The following ATP6V0A4 variants were observed in gnomAD, a reference collection of about 807,000 sequenced individuals.
ATP6V0A4 encodes the protein ATPase H+ transporting V0 subunit a4.
In ATP6V0A4, 86 loss-of-function variants were observed where a neutral mutation model predicts 107.3. The observed-to-expected ratio is 0.80, with a 90% CI of 0.67 to 0.96. The LOEUF (loss-of-function observed/expected upper bound fraction) is 0.96, where lower values mean the gene tolerates loss of function less well. Ranked by LOEUF, ATP6V0A4 falls within the 40% of genes least tolerant of loss-of-function variation. ATP6V0A4 has a pLI of 0.00. For synonymous variants in ATP6V0A4, 353 were observed against 381.4 expected (o/e 0.93, Z 0.87); for missense variants, 908 against 1,045.6 (o/e 0.87, Z 1.81).
chr7:138,762,528 C>T, intron 6 of ATP6V0A4, 94 bp from the exon 7 acceptor site: 1 of 1,559,072 alleles, frequency 6.4e-7, no homozygotes, highest in Non-Finnish European at 8.6e-7. Flanking sequence ...TTTAGTGAAG[C>T]TTTAATTTTC....
chr7:138,758,089 C>T (rs145988329), intron 8 of ATP6V0A4, among the ~76,000 whole-genome samples: 2 of 152,280 alleles, frequency 1.3e-5, no homozygotes, highest in East Asian at 3.9e-4. Flanking sequence ...TCGGCGTCCA[C>T]GCTCATCTTT....
At chr7:138,709,887 T>C in intron 20 of ATP6V0A4, 92 bp from the exon 21 acceptor site, 2 of 1,346,376 alleles carry the variant, frequency 1.5e-6, no homozygotes, top group Middle Eastern at 2.7e-4. Flanking sequence ...AATATATATA[T>C]ATTTTAAATA....
At chr7:138,718,635 C>T (rs112152970) in intron 19 of ATP6V0A4, among the ~76,000 whole-genome samples, 19,889 of 75,816 alleles carry the variant, frequency 0.26, 4,294 homozygotes, top group Admixed American at 0.47. Flanking sequence ...GGTGCCGCCA[C>T]GGATGTCTGC....
chr7:138,751,283 T>C (rs1264136989), intron 11 of ATP6V0A4, among the ~76,000 whole-genome samples: 1 of 152,216 alleles, frequency 6.6e-6, no homozygotes, highest in African/African-American at 2.4e-5. Context: ...TGCTTCACTC[T>C]GCTCCCAAAC....
At chr7:138,716,203 A>C (rs780035523) in intron 19 of ATP6V0A4, among the ~76,000 whole-genome samples, 54 of 152,218 alleles carry the variant, frequency 3.5e-4, no homozygotes, top group Non-Finnish European at 4.4e-4. Context: ...CCTGAGGAGC[A>C]AAAGGATCCC....
Position 138,747,558 on chromosome 7 carries a change from T to C in ATP6V0A4, c.1187A>G (p.Tyr396Cys). 1 of 1,614,046 alleles carries C rather than the reference T, an allele frequency of 6.2e-7. No individual in the cohort carries two copies. Among genetic ancestry groups the C allele is most frequent in the Non-Finnish European group, 8.5e-7 (1 of 1,180,014 alleles). ...CAGGAAGGGGAAAGTGATGATGGTG[T>C]AGGGGGCTGCGGAGGGGAGACACAC... ...GSYREINPAP[Y>C]TIITFPFLFA... is the part of the protein sequence containing the mutation. The change falls in exon 13 of 22, where the codon TAC becomes TGC. Residue 396 changes from tyrosine to cysteine, a missense_variant. Transcript: ENST00000310018.
intron 5 of ATP6V0A4, among the ~76,000 whole-genome samples, chr7:138,765,263 C>T (rs1318091632): frequency 6.6e-6 from 1 of 152,150 alleles, no homozygotes; most frequent in Non-Finnish European, 1.5e-5. Context: ...TCCATTACCT[C>T]CCGTCTCAGA....
chr7:138,769,366 G>A (rs1009390142), intron 3 of ATP6V0A4, 115 bp from the exon 4 acceptor site: 1 of 1,462,718 alleles, frequency 6.8e-7, no homozygotes, highest in Non-Finnish European at 9.1e-7. Context: ...CCAGACTGGA[G>A]GGCAATGGCG....
chr7:138,788,913 C>T (rs953643079), intron 1 of ATP6V0A4, among the ~76,000 whole-genome samples: 7 of 152,270 alleles, frequency 4.6e-5, no homozygotes, highest in South Asian at 4.1e-4. Context: ...GTTCAGTAAA[C>T]CTCTTTTCTT....
At chr7:138,722,926 C>A (rs1448413807) in intron 18 of ATP6V0A4, among the ~76,000 whole-genome samples, 1 of 144,656 alleles carries the variant, frequency 6.9e-6, no homozygotes, top group Non-Finnish European at 1.5e-5. Context: ...GGCATGGTAG[C>A]ACATGCCTGT....
At chr7:138,762,053 G>A (rs766676482) in intron 7 of ATP6V0A4, among the ~76,000 whole-genome samples, 7 of 152,162 alleles carry the variant, frequency 4.6e-5, no homozygotes, top group Non-Finnish European at 7.4e-5. Context: ...GGGAAGAGTT[G>A]TGATAACCCA....
intron 2 of ATP6V0A4, among the ~76,000 whole-genome samples, chr7:138,776,170 C>G (rs983781451): frequency 6.6e-6 from 1 of 152,104 alleles, no homozygotes; most frequent in Non-Finnish European, 1.5e-5. Context: ...CAAATTAGAA[C>G]GATTGTTTAG....
intron 2 of ATP6V0A4, among the ~76,000 whole-genome samples, chr7:138,778,057 T>C (rs1264800096): frequency 6.6e-6 from 1 of 152,138 alleles, no homozygotes; most frequent in Non-Finnish European, 1.5e-5. Context: ...ATTACCTTCA[T>C]GCTATGTGTG....
chr7:138,737,060 G>A (rs76243020), intron 15 of ATP6V0A4, among the ~76,000 whole-genome samples: 2 of 135,100 alleles, frequency 1.5e-5, no homozygotes, highest in African/African-American at 5.6e-5. Context: ...GATGCCAAAC[G>A]CAGTCAGTAA....
intron 19 of ATP6V0A4, among the ~76,000 whole-genome samples, chr7:138,718,613 G>A (rs1225881344): frequency 3.9e-5 from 4 of 102,638 alleles, no homozygotes; most frequent in South Asian, 3.5e-4. Flanking sequence ...GAGGAATGGG[G>A]AGGAATGGGG....
rs1394157135 is a variant in ATP6V0A4 at position 138,798,071 on chromosome 7, TCACCTGCACCGGG to T, written c.-171_-159del. On this transcript the variant is annotated 5_prime_UTR_variant, in exon 1 of 22. The change abolishes the stop of an existing upstream ORF in the 5' untranslated region. Transcript: ENST00000310018. ...CTCGGCACAACTCCGCAGGACCGGC[TCACCTGCACCGGG>T]CACTCAGCACAGCCTCCAGCATGCA... 2.5e-6 allele frequency: 4 copies of T among 1,575,312 alleles called. No homozygotes were observed. The highest frequency in any genetic ancestry group is 1.9e-5 in the Admixed American group (1 of 53,476).
chr7:138,733,647 T>G (rs1429642216), intron 16 of ATP6V0A4, among the ~76,000 whole-genome samples: 1 of 149,006 alleles, frequency 6.7e-6, no homozygotes, highest in Non-Finnish European at 1.5e-5. Flanking sequence ...GATACAATCT[T>G]GGCTCACTGC....
Position 138,752,781 on chromosome 7 carries a change from G to T in ATP6V0A4, c.873C>A (p.Asn291Lys). 6.2e-7 allele frequency: 1 copy of T among 1,614,234 alleles called. No homozygotes were observed. The highest frequency in any genetic ancestry group is 1.1e-5 in the South Asian group (1 of 91,088). Residue 291 changes from asparagine to lysine, a missense_variant, in exon 11 of 22, where the codon AAC (asparagine) becomes AAA (lysine). Asn to Lys is a moderately conservative substitution (Grantham distance 94). Transcript: ENST00000310018. ...GCACCTTGATGAGCCAGGAGTGCCA[G>T]TTGGCAGCGGCTTCCTGCAGCAGGC... is the stretch of plus-strand genomic sequence containing the variant. ...RQRLLQEAAA[N>K]WHSWLIKVQK...
intron 15 of ATP6V0A4, among the ~76,000 whole-genome samples, chr7:138,734,777 C>CAAAA (rs528307650): frequency 3.7e-5 from 4 of 108,978 alleles, no homozygotes; most frequent in African/African-American, 6.8e-5. Flanking sequence ...GACTCTGTCT[C>CAAAA]AAAAAAAAAA....
Sources: allele counts gnomAD v4.1 joint callset (sites outside exome capture counted in the v4.1 genomes callset), GRCh38; gene constraint gnomAD v4.1.1; transcripts MANE v1.5; gene names NCBI Gene and HGNC (gene_info 2026-07-23, HGNC 2026-07-21).